SEMA3E: variants seen among roughly 807,000 people sequenced by gnomAD.
SEMA3E encodes the protein semaphorin 3E, also known as semaphorin-3E.
SEMA3E carries 49 observed loss-of-function variants against 93.6 expected under a neutral mutation model. That is an observed-to-expected ratio of 0.52 (90% CI 0.42 to 0.66). The LOEUF (loss-of-function observed/expected upper bound fraction) is 0.66, where lower values mean the gene tolerates loss of function less well. Ranked by LOEUF, SEMA3E falls within the 30% of genes least tolerant of loss-of-function variation. The probability of loss-of-function intolerance (pLI) is 0.00; values close to 1 mark genes in which losing one functional copy is unlikely to be tolerated. For synonymous variants in SEMA3E, 363 were observed against 330.7 expected (o/e 1.10, Z -1.06); for missense variants, 906 against 964.8 (o/e 0.94, Z 0.81).
At chr7:83,583,832 C>A (rs770207178) in intron 1 of SEMA3E, among the ~76,000 whole-genome samples, 1 of 152,100 alleles carries the variant, frequency 6.6e-6, no homozygotes, top group Non-Finnish European at 1.5e-5. Context: ...ATTATGCCTG[C>A]GTGGTTGAGT....
chr7:83,531,338 A>ATTTT (rs1363628918), intron 1 of SEMA3E, among the ~76,000 whole-genome samples: 83 of 39,712 alleles, frequency 2.1e-3, no homozygotes, highest in Non-Finnish European at 3.4e-3. Context: ...TGATTGGAAT[A>ATTTT]TTCTTTTTTT....
intron 1 of SEMA3E, among the ~76,000 whole-genome samples, chr7:83,604,493 C>T (rs1452330866): frequency 6.8e-6 from 1 of 147,370 alleles, no homozygotes; most frequent in African/African-American, 2.5e-5. Context: ...AAAATTTTGA[C>T]ACATTTATGT....
intron 4 of SEMA3E, among the ~76,000 whole-genome samples, chr7:83,420,032 C>G (rs911120635): frequency 6.6e-6 from 1 of 152,056 alleles, no homozygotes; most frequent in African/African-American, 2.4e-5. Flanking sequence ...GATTCTATAC[C>G]TAGAAAATTC....
intron 1 of SEMA3E, among the ~76,000 whole-genome samples, chr7:83,600,817 T>G (rs887796874): frequency 6.6e-6 from 1 of 152,134 alleles, no homozygotes; most frequent in African/African-American, 2.4e-5. Flanking sequence ...CAAAGTGCAG[T>G]ACTAAGTGGC....
intron 1 of SEMA3E, among the ~76,000 whole-genome samples, chr7:83,530,454 A>G (rs1380437382): frequency 6.6e-6 from 1 of 152,212 alleles, no homozygotes; most frequent in African/African-American, 2.4e-5. Flanking sequence ...TTGATACTAC[A>G]TATATAGGTA....
intron 4 of SEMA3E, among the ~76,000 whole-genome samples, chr7:83,422,092 G>T (rs1443347758): frequency 6.6e-6 from 1 of 152,158 alleles, no homozygotes; most frequent in African/African-American, 2.4e-5. Context: ...CAGGAGAATC[G>T]CTTGAACCTG....
chr7:83,469,885 C>T (rs2371779), intron 2 of SEMA3E, among the ~76,000 whole-genome samples: 103,330 of 151,490 alleles, frequency 0.68, 36,855 homozygotes, highest in Non-Finnish European at 0.79. Context: ...CAGCCTCCGC[C>T]TCCTGGGTTC....
chr7:83,513,923 T>C (rs1790875829), intron 1 of SEMA3E, among the ~76,000 whole-genome samples: 1 of 152,138 alleles, frequency 6.6e-6, no homozygotes, highest in Non-Finnish European at 1.5e-5. Context: ...GGCTGAAACC[T>C]ACTGGGCTGC....
chr7:83,430,766 G>T, intron 4 of SEMA3E, among the ~76,000 whole-genome samples: 1 of 152,072 alleles, frequency 6.6e-6, no homozygotes, highest in Non-Finnish European at 1.5e-5. Context: ...ATTAGGTGAA[G>T]CAAACCACCA....
chr7:83,449,771 T>C (rs1481115639), intron 4 of SEMA3E, among the ~76,000 whole-genome samples: 3 of 152,162 alleles, frequency 2.0e-5, no homozygotes, highest in South Asian at 2.1e-4. Flanking sequence ...CACATATAAA[T>C]CAACTACTCT....
At chr7:83,628,219 C>T (rs890672349) in intron 1 of SEMA3E, among the ~76,000 whole-genome samples, 2 of 152,116 alleles carry the variant, frequency 1.3e-5, no homozygotes, top group Non-Finnish European at 2.9e-5. Flanking sequence ...TGTGGGTAAC[C>T]TGACCTTTCT....
chr7:83,634,156 TAA>T (rs1793836982), intron 1 of SEMA3E, among the ~76,000 whole-genome samples: 1 of 152,280 alleles, frequency 6.6e-6, no homozygotes, highest in African/African-American at 2.4e-5. Flanking sequence ...TATAAAAACT[TAA>T]GTGTCTAATA....
At chr7:83,584,933 C>A (rs778020268) in intron 1 of SEMA3E, among the ~76,000 whole-genome samples, 1 of 152,074 alleles carries the variant, frequency 6.6e-6, no homozygotes, top group Non-Finnish European at 1.5e-5. Flanking sequence ...CATCTTGCAG[C>A]GTTTTCCCCT....
At chr7:83,475,677 C>T (rs974067059) in intron 2 of SEMA3E, among the ~76,000 whole-genome samples, 4 of 152,132 alleles carry the variant, frequency 2.6e-5, no homozygotes, top group African/African-American at 9.7e-5. Flanking sequence ...AGTCTTTCGT[C>T]TCTGACCCAA....
intron 4 of SEMA3E, among the ~76,000 whole-genome samples, chr7:83,432,742 A>C (rs188836328): frequency 1.3e-5 from 2 of 152,300 alleles, no homozygotes; most frequent in Non-Finnish European, 2.9e-5. Flanking sequence ...GAACTTGATC[A>C]TTTTATCAAG....
At chr7:83,502,159 T>C (rs564956260) in intron 1 of SEMA3E, among the ~76,000 whole-genome samples, 2 of 152,302 alleles carry the variant, frequency 1.3e-5, no homozygotes, top group South Asian at 4.2e-4. Flanking sequence ...AGTGCCACAC[T>C]ATCTATCCTT....
intron 1 of SEMA3E, among the ~76,000 whole-genome samples, chr7:83,534,771 T>C (rs1375299687): frequency 2.0e-5 from 3 of 152,186 alleles, no homozygotes; most frequent in Non-Finnish European, 2.9e-5. Context: ...CAGTGACTGG[T>C]CCACAAAGCC....
intron 1 of SEMA3E, among the ~76,000 whole-genome samples, chr7:83,509,643 T>C (rs1790774199): frequency 6.6e-6 from 1 of 152,236 alleles, no homozygotes; most frequent in Admixed American, 6.5e-5. Flanking sequence ...TCTGCTTCCG[T>C]ATCTTCTAGA....
intron 1 of SEMA3E, among the ~76,000 whole-genome samples, chr7:83,604,728 C>T (rs982407717): frequency 1.3e-5 from 2 of 151,804 alleles, no homozygotes; most frequent in Non-Finnish European, 2.9e-5. Context: ...CAACCCGTCA[C>T]CTAGGTTTTA....
Sources: gnomAD v4.1 joint callset for allele counts (sites outside exome capture counted in the v4.1 genomes callset) on GRCh38, gnomAD v4.1.1 for gene constraint, MANE v1.5 for transcripts, NCBI Gene and HGNC (gene_info 2026-07-23, HGNC 2026-07-21) for gene names.